Variants in URB2 observed in about 807,000 individuals in gnomAD.
URB2 encodes the protein URB2 ribosome biogenesis homolog, also known as unhealthy ribosome biogenesis protein 2 homolog.
A neutral mutation model predicts 120.9 loss-of-function variants in URB2; 86 were observed. The observed-to-expected ratio is 0.71, with a 90% CI of 0.60 to 0.85. The LOEUF is 0.85. URB2 is among the 40% of genes least tolerant of loss of function. The probability of loss-of-function intolerance (pLI) is 0.00; values close to 1 mark genes in which losing one functional copy is unlikely to be tolerated. For missense variants in URB2, 1,765 were observed against 1,836.5 expected, an observed-to-expected ratio of 0.96 and a Z score of 0.71; for synonymous variants, 755 against 758.4, an observed-to-expected ratio of 1.00 and a Z score of 0.07.
At chr1:229,644,255 G>A (rs1666084474) in intron 5 of URB2, among the ~76,000 whole-genome samples, 1 of 152,260 alleles carries the variant, frequency 6.6e-6, no homozygotes. Context: ...GAAGGCCACA[G>A]GCCACAGAGC....
Position 229,647,555 on chromosome 1 carries a change from G to A in URB2, c.3952G>A (p.Val1318Met). ...ASQEQPVSLT[V>M]VGPVLDVLAA... ...TCAGGAGCAGCCTGTGTCCCTCACAGTGGTCGGGCCTGTCTTAGATGTCCT... is the reference window on the plus strand; with the variant it reads ...TCAGGAGCAGCCTGTGTCCCTCACAATGGTCGGGCCTGTCTTAGATGTCCT... Residue 1318 changes from valine (V) to methionine (M), a missense_variant, in exon 7 of 10, where the codon GTG becomes ATG. Transcript: ENST00000258243. The A allele has an allele frequency of 1.9e-6, 3 of 1,614,206 alleles. No homozygotes were observed. Among genetic ancestry groups the A allele is most frequent in the Non-Finnish European group, 2.5e-6 (3 of 1,180,050 alleles).
Position 229,643,695 on chromosome 1 carries a change from T to C in URB2, c.3795+2T>C, listed in dbSNP as rs190120498. 8 of 1,610,968 alleles carry C rather than the reference T, an allele frequency of 5.0e-6. No individual in the cohort carries two copies. In the Admixed American group the frequency reaches 6.7e-5, roughly 14 times the overall value. On this transcript the variant is annotated splice_donor_variant, in intron 5 of 9. Transcript: ENST00000258243. LOFTEE classifies it high-confidence loss of function. ...AACATGTGGAAAGCAGATGTGCAGG[T>C]GGGTGCCTTCTCCCTCCTTGTGTGG... is the stretch of plus-strand genomic sequence containing the variant.
chr1:229,652,822 T>A (rs948806246), intron 8 of URB2, among the ~76,000 whole-genome samples: 6 of 152,382 alleles, frequency 3.9e-5, no homozygotes, highest in Middle Eastern at 3.4e-3. Flanking sequence ...GCCACAGGCA[T>A]GTCCTTTGTC....
rs754288368 is a variant in URB2, at chr1:229,635,505, T to C, written c.892T>C (p.Ser298Pro). The change falls in exon 4 of 10, where the codon TCT becomes CCT. Residue 298 changes from serine to proline, a missense_variant. Transcript: ENST00000258243. The part of the protein sequence containing the change: ...AGYCAASLHT[S>P]VVANSVALLY... ...CTACTGTGCAGCATCCCTTCATACC[T>C]CTGTTGTGGCCAACTCAGTGGCCTT... 1 of 1,613,990 alleles carries C rather than the reference T, an allele frequency of 6.2e-7. No homozygotes were observed. Among genetic ancestry groups the C allele is most frequent in the South Asian group, 1.1e-5 (1 of 91,058 alleles).
chr1:229,654,556 G>A (rs527344097), intron 9 of URB2, among the ~76,000 whole-genome samples, 168 bp downstream of exon 9: 7 of 152,170 alleles, frequency 4.6e-5, no homozygotes, highest in Admixed American at 2.6e-4. Flanking sequence ...GCATTAGTGC[G>A]ATGATAGCAC....
rs1211711639 is a variant in URB2, at chr1:229,647,636, C to T, written c.4033C>T (p.Leu1345=). Residue 1345 remains leucine (L), a synonymous_variant, in exon 7 of 10, where the codon CTG becomes TTG. Coordinates refer to ENST00000258243, the MANE Select transcript of URB2 (RefSeq NM_014777.4). The part of the protein sequence containing the change: ...EAIGNPHHVS[L]AFSILLTVPL... Reference sequence around the variant, plus strand: ...CATCGGCAACCCCCACCACGTCAGCCTGGCCTTCAGCATCCTTCTCACTGT... The same window carrying T: ...CATCGGCAACCCCCACCACGTCAGCTTGGCCTTCAGCATCCTTCTCACTGT... 6.2e-7 allele frequency: 1 copy of T among 1,614,196 alleles called. No homozygotes were observed. The highest frequency in any genetic ancestry group is 8.5e-7 in the Non-Finnish European group (1 of 1,180,042).
At chr1:229,652,136 C>T (rs112238487) in intron 8 of URB2, among the ~76,000 whole-genome samples, 1,630 of 151,750 alleles carry the variant, frequency 0.011, 30 homozygotes, top group African/African-American at 0.037. Flanking sequence ...GAGCTGAGAT[C>T]GCGCCATTGC....
intron 8 of URB2, among the ~76,000 whole-genome samples, chr1:229,652,464 A>G (rs1431973907): frequency 6.6e-6 from 1 of 152,210 alleles, no homozygotes; most frequent in East Asian, 1.9e-4. Flanking sequence ...TTTTAACCAG[A>G]CATCTTTTGA....
At chr1:229,634,452 G>C (rs2102782601) in intron 3 of URB2, among the ~76,000 whole-genome samples, 1 of 152,316 alleles carries the variant, frequency 6.6e-6, no homozygotes, top group East Asian at 1.9e-4. Context: ...TGATCCGCCT[G>C]CCTCGGCCTC....
At chr1:229,651,843 G>A (rs575596012) in intron 8 of URB2, among the ~76,000 whole-genome samples, 46 of 152,310 alleles carry the variant, frequency 3.0e-4, no homozygotes, top group African/African-American at 1.1e-3. Context: ...CAGCTTTGAA[G>A]TTGATTCTTG....
intron 3 of URB2, among the ~76,000 whole-genome samples, chr1:229,633,213 AG>A (rs35837884): frequency 0.1 from 15,456 of 152,218 alleles, 1,029 homozygotes; most frequent in Non-Finnish European, 0.14. Context: ...ACGAAGGTTG[AG>A]CTGCCCAATG....
In URB2 at chr1:229,636,721, ATGC is replaced by A; in HGVS notation, c.2112_2114del (p.Ala705del). On this transcript the variant is annotated inframe_deletion, in exon 4 of 10. Transcript: ENST00000258243. ...GGAGCCATCCAAAGTTTGAGGTGCG[ATGC>A]TGCCTTTATTATTGGTTCCGGCAGA... 6.2e-7 allele frequency: 1 copy of A among 1,613,494 alleles called. No homozygotes were observed. The highest frequency in any genetic ancestry group is 8.5e-7 in the Non-Finnish European group (1 of 1,179,760).
intron 8 of URB2, among the ~76,000 whole-genome samples, chr1:229,652,207 A>G (rs894486893): frequency 1.3e-5 from 2 of 152,198 alleles, no homozygotes; most frequent in Non-Finnish European, 2.9e-5. Flanking sequence ...AACAAAAAAA[A>G]AAATTGCATG....
At position 229,659,267 on chromosome 1, in the gene URB2, A is replaced by G. The variant is rs1408560660; in HGVS notation, c.4545A>G (p.Lys1515=). The change falls in exon 10 of 10, where the codon AAA becomes AAG. Residue 1515 remains lysine (K), a synonymous_variant. Coordinates refer to ENST00000258243, the MANE Select transcript of URB2 (RefSeq NM_014777.4). ...YNDYLKYHKA[K]HEGEKRYTA Reference sequence around the variant, plus strand: ...ACTATCTCAAGTACCACAAGGCCAAACATGAAGGAGAGAAAAGATATACGG... The same window carrying G: ...ACTATCTCAAGTACCACAAGGCCAAGCATGAAGGAGAGAAAAGATATACGG... 6.2e-7 allele frequency: 1 copy of G among 1,613,912 alleles called. No homozygotes were observed. Among genetic ancestry groups the G allele is most frequent in the African/African-American group, 1.3e-5 (1 of 74,924 alleles).
chr1:229,627,753 AG>A lies in URB2; in HGVS notation c.121del (p.Glu41AsnfsTer22). The A allele has an allele frequency of 1.9e-6, 3 of 1,609,264 alleles. No homozygotes were observed. Among genetic ancestry groups the A allele is most frequent in the Non-Finnish European group, 2.5e-6 (3 of 1,177,774 alleles). On this transcript the variant is annotated frameshift_variant, in exon 2 of 10. Transcript: ENST00000258243. LOFTEE classifies it high-confidence loss of function. Reference protein sequence around the residue: ...ISHQCFLPNKEQVLLDWARQS... With the variant: ...ISHQCFLPNKXQVLLDWARQS... The stretch of plus-strand genomic sequence containing the variant: ...CTCACCAGTGCTTTCTTCCAAATAA[AG>A]AACAAGTAAGTTTAATGTGAAACTC...
In URB2 at chr1:229,636,911, G is replaced by C; in HGVS notation, c.2298G>C (p.Leu766=). The change falls in exon 4 of 10, where the codon CTG becomes CTC. Residue 766 remains leucine, a synonymous_variant. Transcript: ENST00000258243. ...ATGTGGGATACCTGGCCAGTGTCCTGCTGAGAACTTTACCCATGGGCAAAG... is the reference window on the plus strand; with the variant it reads ...ATGTGGGATACCTGGCCAGTGTCCTCCTGAGAACTTTACCCATGGGCAAAG... ...PDDVGYLASV[L]LRTLPMGKAQ... 6.2e-7 allele frequency: 1 copy of C among 1,612,702 alleles called. No individual in the cohort carries two copies. The highest frequency in any genetic ancestry group is 8.5e-7 in the Non-Finnish European group (1 of 1,179,222).
chr1:229,644,699 A>G (rs1303141278), intron 5 of URB2, among the ~76,000 whole-genome samples: 1 of 152,080 alleles, frequency 6.6e-6, no homozygotes, highest in Non-Finnish European at 1.5e-5. Flanking sequence ...GGAGCAGGGA[A>G]GGGAAGAGAG....
intron 2 of URB2, among the ~76,000 whole-genome samples, chr1:229,628,264 T>TATATATATTATAC (rs2102777354): frequency 6.8e-6 from 1 of 146,978 alleles, no homozygotes; most frequent in Admixed American, 6.9e-5. Context: ...ATTATATATG[T>TATATATATTATAC]ATATAAATTA....
chr1:229,652,065 CGA>C (rs1203154449), intron 8 of URB2, among the ~76,000 whole-genome samples: 34 of 152,040 alleles, frequency 2.2e-4, no homozygotes, highest in African/African-American at 8.0e-4. Flanking sequence ...TCCTGTAATC[CGA>C]GCTACTTGGG....
Sources: allele counts gnomAD v4.1 joint callset (sites outside exome capture counted in the v4.1 genomes callset), GRCh38; gene constraint gnomAD v4.1.1; transcripts MANE v1.5; gene names NCBI Gene and HGNC (gene_info 2026-07-23, HGNC 2026-07-21).